The following MALRD1 variants were observed in gnomAD, a reference collection of about 807,000 sequenced individuals.
MALRD1 encodes MAM and LDL-receptor class A domain-containing protein 1.
MALRD1 carries 247 observed loss-of-function variants against 242.1 expected under a neutral mutation model. The ratio of observed to expected loss-of-function variants is 1.02; its 90% confidence interval spans 0.92 to 1.13. The LOEUF (loss-of-function observed/expected upper bound fraction) is 1.13, where lower values mean the gene tolerates loss of function less well. Ranked by LOEUF, MALRD1 falls within the 50% of genes most tolerant of loss-of-function variation. The pLI is 0.00. For synonymous variants in MALRD1, 995 were observed against 866.6 expected (o/e 1.15, Z -2.60); for missense variants, 2,989 against 2,533.1 (o/e 1.18, Z -3.86).
rs188061453 is a variant in MALRD1 at position 19,236,967 on chromosome 10, T to G, written c.2992-20717T>G. 4.4e-3 allele frequency among the ~76,000 whole-genome samples: 670 copies of G among 152,186 alleles called. 5 individuals carry two copies. Among genetic ancestry groups the G allele is most frequent in the South Asian group, 0.014 (70 of 4,830 alleles). On this transcript the variant is annotated intron_variant, in intron 18 of 39. Transcript: ENST00000454679. ...TTTGCATTGGTGGTTGAGAACATTT[T>G]AAAATTGTTATTTAATTCATTAATT...
At chr10:19,408,682 A>G (rs1452531478) in intron 28 of MALRD1, among the ~76,000 whole-genome samples, 1 of 152,224 alleles carries the variant, frequency 6.6e-6, no homozygotes, top group African/African-American at 2.4e-5. Context: ...TTTCAACATC[A>G]GTAGACATTA....
intron 34 of MALRD1, among the ~76,000 whole-genome samples, chr10:19,596,249 A>G (rs1391515350): frequency 6.6e-6 from 1 of 152,150 alleles, no homozygotes; most frequent in Non-Finnish European, 1.5e-5. Flanking sequence ...GTGGTGTCCA[A>G]ACACCCCTAA....
intron 5 of MALRD1, among the ~76,000 whole-genome samples, chr10:19,113,907 A>G (rs1344807215): frequency 6.6e-6 from 1 of 151,994 alleles, no homozygotes; most frequent in African/African-American, 2.4e-5. Context: ...CATAGTTCCT[A>G]CCCTGTCTAA....
intron 30 of MALRD1, among the ~76,000 whole-genome samples, chr10:19,497,417 C>T (rs1837772533): frequency 8.1e-6 from 1 of 123,830 alleles, no homozygotes; most frequent in South Asian, 2.3e-4. Flanking sequence ...AAGGAATGTA[C>T]ATGAATACAA....
intron 8 of MALRD1, among the ~76,000 whole-genome samples, chr10:19,133,508 A>G (rs962844092): frequency 6.6e-6 from 1 of 152,164 alleles, no homozygotes; most frequent in African/African-American, 2.4e-5. Flanking sequence ...TACAAAATGT[A>G]ATAATGTTAT....
chr10:19,088,332 T>A (rs1835747357), intron 4 of MALRD1, 147 bp downstream of exon 4: 1 of 684,830 alleles, frequency 1.5e-6, no homozygotes, highest in Non-Finnish European at 2.0e-6. Flanking sequence ...AAAGTGGACA[T>A]CTCAGGCAAT....
chr10:19,443,267 T>C (rs900767774), intron 28 of MALRD1, among the ~76,000 whole-genome samples: 6 of 152,118 alleles, frequency 3.9e-5, no homozygotes, highest in Non-Finnish European at 8.8e-5. Flanking sequence ...TTTCAAAAAA[T>C]CAGCTCCTGG....
rs1589373317 is a variant in MALRD1 at position 19,662,511 on chromosome 10, C to T, written c.6138-29771C>T. On this transcript the variant is annotated intron_variant, in intron 36 of 39. Transcript: ENST00000454679. ...CATTCTTTTTGAGGAATCCAAAGGA[C>T]TCTCCCACTCTTAAAACGTTATGTA... Among the ~76,000 whole-genome samples, 3 of 152,238 alleles carry T rather than the reference C, an allele frequency of 2.0e-5. No homozygotes were observed. In the South Asian group the frequency reaches 6.2e-4, roughly 32 times the overall value.
At chr10:19,696,159 G>T (rs549736507) in intron 38 of MALRD1, among the ~76,000 whole-genome samples, 7 of 152,078 alleles carry the variant, frequency 4.6e-5, no homozygotes, top group African/African-American at 9.7e-5. Flanking sequence ...AACTCTGCAG[G>T]CTGGGCTCAT....
At chr10:19,142,777 A>T (rs1278072624) in intron 10 of MALRD1, among the ~76,000 whole-genome samples, 1 of 152,248 alleles carries the variant, frequency 6.6e-6, no homozygotes, top group Non-Finnish European at 1.5e-5. Context: ...ATGATAAGAC[A>T]TTTAATAATT....
chr10:19,382,025 T>C (rs927676225), intron 26 of MALRD1, among the ~76,000 whole-genome samples: 1 of 152,138 alleles, frequency 6.6e-6, no homozygotes, highest in Non-Finnish European at 1.5e-5. Flanking sequence ...GTGTGTATAC[T>C]TGAGAAATAG....
chr10:19,051,488 C>T, intron 1 of MALRD1: 1 of 193,284 alleles, frequency 5.2e-6, no homozygotes, highest in Non-Finnish European at 1.1e-5. Flanking sequence ...AGTAAAAGTC[C>T]CTCTCAATTT....
intron 32 of MALRD1, among the ~76,000 whole-genome samples, chr10:19,544,756 C>G (rs775483575): frequency 1.3e-5 from 2 of 152,106 alleles, no homozygotes; most frequent in Admixed American, 1.3e-4. Flanking sequence ...AATCATTTCT[C>G]TACCTTCTTG....
At chr10:19,628,714 T>TA (rs1272485378) in intron 36 of MALRD1, among the ~76,000 whole-genome samples, 3 of 152,118 alleles carry the variant, frequency 2.0e-5, no homozygotes, top group Non-Finnish European at 4.4e-5. Context: ...TTTTATAACT[T>TA]AAAAAAGCAT....
chr10:19,134,969 T>C (rs897917129), intron 9 of MALRD1, among the ~76,000 whole-genome samples: 8 of 152,150 alleles, frequency 5.3e-5, no homozygotes, highest in Non-Finnish European at 7.3e-5. Flanking sequence ...AATATACAGC[T>C]ATACATTAAT....
At chr10:19,275,325 T>C (rs1000728099) in intron 19 of MALRD1, among the ~76,000 whole-genome samples, 2 of 152,214 alleles carry the variant, frequency 1.3e-5, no homozygotes, top group Non-Finnish European at 2.9e-5. Flanking sequence ...CTCAATTCGC[T>C]GGGCTTCTGT....
chr10:19,187,460 T>C (rs1835789742), intron 14 of MALRD1, among the ~76,000 whole-genome samples: 1 of 151,500 alleles, frequency 6.6e-6, no homozygotes, highest in Non-Finnish European at 1.5e-5. Flanking sequence ...AAAGAAAGAG[T>C]GTTCTAAGCA....
Position 19,146,201 on chromosome 10 carries a change from A to C in MALRD1, c.1415A>C (p.Lys472Thr). Residue 472 changes from lysine to threonine, a missense_variant, in exon 11 of 40, where the codon AAG becomes ACG. Coordinates refer to ENST00000454679, the MANE Select transcript of MALRD1 (RefSeq NM_001142308.3). ...TTTTCTCTTCTACGTGTAACAGCAA[A>C]GCATCTCACCTGTGACTTTGAGTCG... ...ESDEDPATCS[K>T]HLTCDFESGF... The C allele has an allele frequency of 8.1e-7, 1 of 1,231,568 alleles. No individual in the cohort carries two copies. The highest frequency in any genetic ancestry group is 3.2e-5 in the East Asian group (1 of 31,696). The allele number at this position is 1,231,568 out of a possible 1,614,324, so 76.3% of individuals were successfully genotyped here. A position where few individuals can be genotyped will look rare whatever the true frequency, so the allele number is the denominator to read the frequency against.
chr10:19,536,706 AG>A (rs1203616626), intron 32 of MALRD1, among the ~76,000 whole-genome samples: 5 of 152,132 alleles, frequency 3.3e-5, no homozygotes, highest in African/African-American at 4.8e-5. Context: ...ATTGAGTGAC[AG>A]TCAGCTTCAA....
Sources: allele counts gnomAD v4.1 joint callset (sites outside exome capture counted in the v4.1 genomes callset), GRCh38; gene constraint gnomAD v4.1.1; transcripts MANE v1.5; gene names NCBI Gene and HGNC (gene_info 2026-07-23, HGNC 2026-07-21).